Variants in CLSTN2 observed in about 807,000 individuals in gnomAD.
The protein encoded by CLSTN2 is calsyntenin 2, also known as calsyntenin-2.
In CLSTN2, 48 loss-of-function variants were observed where a neutral mutation model predicts 101.2. That is an observed-to-expected ratio of 0.47 (90% CI 0.38 to 0.60). CLSTN2 has a LOEUF of 0.60. CLSTN2 is among the 20% of genes least tolerant of loss of function. The pLI is 0.00. For missense variants in CLSTN2, 1,160 were observed against 1,238.2 expected (o/e 0.94, Z 0.95); for synonymous variants, 481 against 463.6 (o/e 1.04, Z -0.48).
chr3:140,232,370 C>T (rs1429132296), intron 2 of CLSTN2, among the ~76,000 whole-genome samples: 1 of 152,178 alleles, frequency 6.6e-6, no homozygotes, highest in Non-Finnish European at 1.5e-5. Flanking sequence ...GCCACTCTCT[C>T]CTGATCCTCA....
At chr3:140,540,940 T>C (rs1037973407) in intron 9 of CLSTN2, among the ~76,000 whole-genome samples, 1 of 152,242 alleles carries the variant, frequency 6.6e-6, no homozygotes, top group Non-Finnish European at 1.5e-5. Context: ...CTGCATTAAA[T>C]TGTGTTTGCT....
intron 1 of CLSTN2, among the ~76,000 whole-genome samples, chr3:139,966,504 C>G (rs1287890328): frequency 1.3e-5 from 2 of 152,088 alleles, no homozygotes; most frequent in Non-Finnish European, 2.9e-5. Context: ...TGCCTCCCAC[C>G]CAATTTGCCT....
intron 1 of CLSTN2, among the ~76,000 whole-genome samples, chr3:140,172,926 G>A (rs2010262131): frequency 1.3e-5 from 2 of 152,130 alleles, no homozygotes; most frequent in South Asian, 4.2e-4. Context: ...AATTCAAGAT[G>A]AGATTTGGGT....
At chr3:140,092,999 C>T (rs914759458) in intron 1 of CLSTN2, among the ~76,000 whole-genome samples, 1 of 152,110 alleles carries the variant, frequency 6.6e-6, no homozygotes, top group African/African-American at 2.4e-5. Context: ...TTATCTTTCC[C>T]CAGAGTGTGG....
At chr3:139,976,057 AC>A (rs924907042) in intron 1 of CLSTN2, among the ~76,000 whole-genome samples, 2 of 152,228 alleles carry the variant, frequency 1.3e-5, no homozygotes, top group African/African-American at 4.8e-5. Flanking sequence ...AGCTACCATA[AC>A]CCCCATGGGC....
At chr3:140,210,794 A>G (rs1006148757) in intron 2 of CLSTN2, among the ~76,000 whole-genome samples, 3 of 152,032 alleles carry the variant, frequency 2.0e-5, no homozygotes, top group Non-Finnish European at 4.4e-5. Flanking sequence ...ATAGAAACCT[A>G]CAGAATGAAC....
intron 2 of CLSTN2, among the ~76,000 whole-genome samples, chr3:140,328,939 T>C (rs1287692600): frequency 1.4e-5 from 2 of 147,196 alleles, no homozygotes; most frequent in Non-Finnish European, 2.9e-5. Context: ...TTGTCAAAAA[T>C]AAAAACAAAA....
At chr3:140,314,285 T>A (rs746878458) in intron 2 of CLSTN2, among the ~76,000 whole-genome samples, 3 of 152,264 alleles carry the variant, frequency 2.0e-5, no homozygotes, top group Non-Finnish European at 4.4e-5. Flanking sequence ...CCAGGCCTCC[T>A]GACGTGTTGC....
rs1368052252 is a variant in CLSTN2, at chr3:140,175,852, GAGTCTATGAT to G, written c.110-98_110-89del. ...TGTCTCTCATGGGATTGTTGGATGA[GAGTCTATGAT>G]TGGGCAAATATACAATCTTAATAAT... On this transcript the variant is annotated intron_variant, in intron 1 of 16. Transcript: ENST00000458420. 5 of 1,134,400 alleles carry G rather than the reference GAGTCTATGAT, an allele frequency of 4.4e-6. No individual in the cohort carries two copies. In the African/African-American group the frequency reaches 6.2e-5, roughly 14 times the overall value. 70.3% of individuals were successfully genotyped at this position (1,134,400 alleles called of 1,614,324 possible).
rs150442749 is a variant in CLSTN2, at chr3:140,448,272, T to C, written c.788-247T>C. On this transcript the variant is annotated intron_variant, in intron 5 of 16. Coordinates refer to ENST00000458420, the MANE Select transcript of CLSTN2 (RefSeq NM_022131.3). Reference sequence around the variant, plus strand: ...ATGTGAGTATGCACGTGCCTGCACATGTTTTGTGTATTCCTATGTGGCTCA... The same window carrying C: ...ATGTGAGTATGCACGTGCCTGCACACGTTTTGTGTATTCCTATGTGGCTCA... 2.0e-5 allele frequency among the ~76,000 whole-genome samples: 3 copies of C among 151,948 alleles called. No homozygotes were observed. In the East Asian group the frequency reaches 5.8e-4, roughly 29 times the overall value.
intron 1 of CLSTN2, among the ~76,000 whole-genome samples, chr3:140,151,105 G>T (rs967443949): frequency 6.6e-6 from 1 of 152,042 alleles, no homozygotes; most frequent in Non-Finnish European, 1.5e-5. Flanking sequence ...CTTGATAAAT[G>T]GTTGGGCAGT....
intron 8 of CLSTN2, among the ~76,000 whole-genome samples, chr3:140,487,179 T>G (rs886647233): frequency 6.6e-6 from 1 of 152,162 alleles, no homozygotes; most frequent in African/African-American, 2.4e-5. Flanking sequence ...AAAGTAATGG[T>G]TTTAGCCATA....
In CLSTN2 at chr3:140,567,110, C is replaced by G. The variant is rs917519473; in HGVS notation, c.*857C>G. 6.6e-6 allele frequency: 1 copy of G among 150,986 alleles called. No individual in the cohort carries two copies. The highest frequency in any genetic ancestry group is 2.4e-5 in the African/African-American group (1 of 41,264). 9.4% of individuals were successfully genotyped at this position (150,986 alleles called of 1,614,324 possible). ...AGTCACAACAAGGACAACAAGGACA[C>G]AACACAACACACAACAAGGACAGTC... On this transcript the variant is annotated 3_prime_UTR_variant, in exon 17 of 17. Transcript: ENST00000458420.
At chr3:140,478,902 GGA>G (rs1398595967) in intron 8 of CLSTN2, among the ~76,000 whole-genome samples, 5 of 151,022 alleles carry the variant, frequency 3.3e-5, no homozygotes, top group South Asian at 2.1e-4. Context: ...AAGGAAGGAA[GGA>G]AGGGAGGCAG....
chr3:140,113,459 A>G (rs1015931004), intron 1 of CLSTN2, among the ~76,000 whole-genome samples: 1 of 152,214 alleles, frequency 6.6e-6, no homozygotes, highest in Non-Finnish European at 1.5e-5. Context: ...CTCACAGAGC[A>G]CTTGTCTGAG....
At chr3:140,427,195 A>ATGTG (rs1162241221) in intron 5 of CLSTN2, among the ~76,000 whole-genome samples, 115 of 88,736 alleles carry the variant, frequency 1.3e-3, no homozygotes, top group African/African-American at 5.6e-3. Context: ...ATATATATAT[A>ATGTG]TATATATATG....
intron 1 of CLSTN2, among the ~76,000 whole-genome samples, chr3:140,110,613 T>C (rs1007654680): frequency 6.6e-6 from 1 of 152,248 alleles, no homozygotes; most frequent in Non-Finnish European, 1.5e-5. Flanking sequence ...AGGATAGATA[T>C]ATTGCTGCAA....
intron 2 of CLSTN2, among the ~76,000 whole-genome samples, chr3:140,308,590 G>A (rs1374910219): frequency 6.6e-6 from 1 of 152,196 alleles, no homozygotes; most frequent in Non-Finnish European, 1.5e-5. Context: ...ATTGTGTGAG[G>A]CATTAAAATC....
chr3:140,036,460 C>G (rs2007656317), intron 1 of CLSTN2, among the ~76,000 whole-genome samples: 2 of 152,060 alleles, frequency 1.3e-5, no homozygotes, highest in African/African-American at 4.8e-5. Context: ...TCATCTCTAC[C>G]TTTTCTAGTT....
Sources: gnomAD v4.1 joint callset for allele counts (sites outside exome capture counted in the v4.1 genomes callset) on GRCh38, gnomAD v4.1.1 for gene constraint, MANE v1.5 for transcripts, NCBI Gene and HGNC (gene_info 2026-07-23, HGNC 2026-07-21) for gene names.